The following PIP5K1B variants were observed in gnomAD, a reference collection of about 807,000 sequenced individuals.
PIP5K1B encodes phosphatidylinositol 4-phosphate 5-kinase type-1 beta.
Under a neutral mutation model 67.0 loss-of-function variants are expected in PIP5K1B, and 42 were observed. That is an observed-to-expected ratio of 0.63 (90% CI 0.49 to 0.81). PIP5K1B has a LOEUF of 0.81. Among genes scored for constraint, PIP5K1B ranks in the 30% least tolerant of loss-of-function variants. The pLI is 0.00. For synonymous variants in PIP5K1B, 214 were observed against 231.4 expected (o/e 0.92, Z 0.68); for missense variants, 459 against 646.3 (o/e 0.71, Z 3.14).
At chr9:68,985,481 A>T (rs532256250) in intron 14 of PIP5K1B, among the ~76,000 whole-genome samples, 123 of 152,174 alleles carry the variant, frequency 8.1e-4, no homozygotes, top group Non-Finnish European at 1.6e-3. Flanking sequence ...TGAACTCCTG[A>T]CCTCAGGCGA....
At chr9:68,857,223 C>T (rs1483906014) in intron 4 of PIP5K1B, among the ~76,000 whole-genome samples, 1 of 152,180 alleles carries the variant, frequency 6.6e-6, no homozygotes, top group Non-Finnish European at 1.5e-5. Context: ...AATAAGTTTG[C>T]ATTTTTTTAA....
chr9:68,893,453 C>G (rs560382506), intron 7 of PIP5K1B, among the ~76,000 whole-genome samples: 4 of 150,950 alleles, frequency 2.6e-5, no homozygotes, highest in African/African-American at 7.3e-5. Flanking sequence ...CCTGCCTCAG[C>G]CTCCCGAGTA....
At chr9:68,711,980 G>C (rs1164419243) in intron 1 of PIP5K1B, among the ~76,000 whole-genome samples, 2 of 152,182 alleles carry the variant, frequency 1.3e-5, no homozygotes, top group East Asian at 3.9e-4. Context: ...CATATGTTTT[G>C]TTCACTTGTC....
chr9:68,865,832 T>C (rs956308583), intron 5 of PIP5K1B, among the ~76,000 whole-genome samples: 4 of 152,224 alleles, frequency 2.6e-5, no homozygotes, highest in Non-Finnish European at 5.9e-5. Flanking sequence ...GTCGGGGTGA[T>C]TCTCAGCACA....
chr9:68,896,584 A>G (rs1564214140), intron 8 of PIP5K1B, among the ~76,000 whole-genome samples: 1 of 152,244 alleles, frequency 6.6e-6, no homozygotes, highest in Non-Finnish European at 1.5e-5. Context: ...CTGCATTTGC[A>G]GTTGTACAAG....
In PIP5K1B at chr9:68,820,236, C is replaced by G. The variant is rs140454209; in HGVS notation, c.-1+1691C>G. 1.1e-4 allele frequency among the ~76,000 whole-genome samples: 17 copies of G among 152,304 alleles called. No homozygotes were observed. The East Asian group carries it at 3.3e-3, about 29-fold the overall frequency. On this transcript the variant is annotated intron_variant, in intron 3 of 15. Coordinates refer to ENST00000265382, the MANE Select transcript of PIP5K1B (RefSeq NM_003558.4). ...TTTACCCTGAGCCTGATACATAAAC[C>G]ATTTTAATTCTTCTGGCATTTTTAT...
At chr9:68,776,400 T>C (rs892567115) in intron 2 of PIP5K1B, among the ~76,000 whole-genome samples, 7 of 152,266 alleles carry the variant, frequency 4.6e-5, no homozygotes, top group Middle Eastern at 6.8e-3. Flanking sequence ...TTATTCCTCA[T>C]TGAGATCTTA....
chr9:68,894,205 T>C, intron 7 of PIP5K1B, 134 bp from the exon 8 acceptor site: 2 of 652,954 alleles, frequency 3.1e-6, no homozygotes, highest in East Asian at 5.6e-5. Flanking sequence ...AGCAAAATTT[T>C]AGTAATGAAC....
At chr9:68,983,568 T>G (rs1464338698) in intron 14 of PIP5K1B, among the ~76,000 whole-genome samples, 2 of 152,214 alleles carry the variant, frequency 1.3e-5, no homozygotes, top group Non-Finnish European at 2.9e-5. Context: ...GCACAGACTT[T>G]TAAAATTTGA....
chr9:68,783,453 A>AT (rs1208125198), intron 2 of PIP5K1B: 1 of 167,034 alleles, frequency 6.0e-6, no homozygotes, highest in African/African-American at 2.4e-5. Context: ...AACATTGTAC[A>AT]TATCTGTGTG....
rs781627958 is a variant in PIP5K1B, at chr9:69,008,463, T to C, written c.*14T>C. ...TCCCCCCAGTAAGTGAAAATGGTGA[T>C]CACCTAAGCACATGGATGAGACGTG... On this transcript the variant is annotated 3_prime_UTR_variant, in exon 16 of 16. Coordinates refer to ENST00000265382, the MANE Select transcript of PIP5K1B (RefSeq NM_003558.4). 6.2e-7 allele frequency: 1 copy of C among 1,613,580 alleles called. No homozygotes were observed. Among genetic ancestry groups the C allele is most frequent in the Non-Finnish European group, 8.5e-7 (1 of 1,179,478 alleles).
chr9:68,805,037 T>G (rs4745277), intron 2 of PIP5K1B, among the ~76,000 whole-genome samples: 1 of 152,234 alleles, frequency 6.6e-6, no homozygotes, highest in Non-Finnish European at 1.5e-5. Flanking sequence ...GCACAGCAGA[T>G]GAAGCATTGC....
intron 4 of PIP5K1B, among the ~76,000 whole-genome samples, chr9:68,834,676 G>A (rs1184590603): frequency 6.6e-6 from 1 of 152,168 alleles, no homozygotes; most frequent in Non-Finnish European, 1.5e-5. Flanking sequence ...GAAATATGGG[G>A]CGGGGCTGGG....
At chr9:68,726,284 T>TA (rs1395312967) in intron 1 of PIP5K1B, among the ~76,000 whole-genome samples, 1 of 152,006 alleles carries the variant, frequency 6.6e-6, no homozygotes, top group Non-Finnish European at 1.5e-5. Flanking sequence ...AATTACAAAT[T>TA]AAAAAAATTG....
chr9:68,761,646 C>G (rs891044023), intron 2 of PIP5K1B, among the ~76,000 whole-genome samples: 1 of 152,076 alleles, frequency 6.6e-6, no homozygotes, highest in Admixed American at 6.6e-5. Context: ...AGGCTGCATT[C>G]CTTGGCTTAT....
At chr9:68,768,423 G>A (rs1051541923) in intron 2 of PIP5K1B, among the ~76,000 whole-genome samples, 6 of 152,142 alleles carry the variant, frequency 3.9e-5, no homozygotes, top group Non-Finnish European at 7.4e-5. Flanking sequence ...GACAGAAGTT[G>A]GGTATACATA....
intron 1 of PIP5K1B, among the ~76,000 whole-genome samples, chr9:68,720,088 T>C (rs1306418792): frequency 6.6e-6 from 1 of 152,202 alleles, no homozygotes; most frequent in African/African-American, 2.4e-5. Context: ...CCTAGAACAG[T>C]GTCCAGCACA....
chr9:68,995,632 CCTATCTCT>C (rs1830570675), intron 15 of PIP5K1B, among the ~76,000 whole-genome samples: 1 of 151,840 alleles, frequency 6.6e-6, no homozygotes, highest in African/African-American at 2.4e-5. Context: ...ATGGAGAAAC[CCTATCTCT>C]ACTAAAACTA....
At chr9:68,831,683 CTTT>C (rs1016447158) in intron 4 of PIP5K1B, among the ~76,000 whole-genome samples, 1 of 147,810 alleles carries the variant, frequency 6.8e-6, no homozygotes, top group Non-Finnish European at 1.5e-5. Context: ...TAGAATTTAA[CTTT>C]TTTTTTTTGA....
Sources: allele counts gnomAD v4.1 joint callset (sites outside exome capture counted in the v4.1 genomes callset), GRCh38; gene constraint gnomAD v4.1.1; transcripts MANE v1.5; gene names NCBI Gene and HGNC (gene_info 2026-07-23, HGNC 2026-07-21).